Variants in TGM2 observed in about 807,000 individuals in gnomAD.
TGM2 encodes the protein transglutaminase 2, also known as protein-glutamine gamma-glutamyltransferase 2.
In TGM2, 53 loss-of-function variants were observed where a neutral mutation model predicts 75.6. That is an observed-to-expected ratio of 0.70 (90% CI 0.56 to 0.88). TGM2 has a LOEUF of 0.88. Ranked by LOEUF, TGM2 falls within the 40% of genes least tolerant of loss-of-function variation. TGM2 has a pLI of 0.00. For synonymous variants in TGM2, 374 were observed against 381.1 expected (o/e 0.98, Z 0.22); for missense variants, 842 against 928.5 (o/e 0.91, Z 1.21).
chr20:38,142,224 G>T (rs1043156727), intron 6 of TGM2, 25 bp from the exon 7 acceptor site: 1 of 1,613,808 alleles, frequency 6.2e-7, no homozygotes, highest in African/African-American at 1.3e-5. Flanking sequence ...TGGAAAGCGG[G>T]GTGAGGTCCT....
intron 1 of TGM2, among the ~76,000 whole-genome samples, chr20:38,163,703 C>T (rs1038528925): frequency 1.3e-5 from 2 of 152,176 alleles, no homozygotes; most frequent in South Asian, 2.1e-4. Context: ...TCAGGGATGT[C>T]GGTCCCCGTG....
Position 38,135,734 on chromosome 20 carries a change from C to T in TGM2, c.1615+2379G>A, listed in dbSNP as rs957204655. On this transcript the variant is annotated intron_variant, in intron 10 of 12. Coordinates refer to ENST00000361475, the MANE Select transcript of TGM2 (RefSeq NM_004613.4). ...GGAACCCCCGAGCCCAGGGCTGACACCACTGCCTGGGACAGAAGGTGTTCA... is the reference window on the plus strand; with the variant it reads ...GGAACCCCCGAGCCCAGGGCTGACATCACTGCCTGGGACAGAAGGTGTTCA... 2.0e-5 allele frequency among the ~76,000 whole-genome samples: 3 copies of T among 152,238 alleles called. No homozygotes were observed. The East Asian group carries it at 5.8e-4, about 29-fold the overall frequency.
intron 3 of TGM2, among the ~76,000 whole-genome samples, chr20:38,151,950 G>A (rs758848884): frequency 3.9e-5 from 6 of 152,122 alleles, no homozygotes; most frequent in African/African-American, 9.7e-5. Context: ...CCACTTAACC[G>A]GTGAAGAAAC....
At chr20:38,159,600 A>G (rs2122965911) in intron 2 of TGM2, among the ~76,000 whole-genome samples, 1 of 152,374 alleles carries the variant, frequency 6.6e-6, no homozygotes, top group Admixed American at 6.5e-5. Context: ...CAGCTCATCT[A>G]CCATTCCATT....
At position 38,138,294 on chromosome 20, in the gene TGM2, A is replaced by T; in HGVS notation, c.1434T>A (p.Arg478=). 2 of 1,614,168 alleles carry T rather than the reference A, an allele frequency of 1.2e-6. No individual in the cohort carries two copies. Among genetic ancestry groups the T allele is most frequent in the Non-Finnish European group, 1.7e-6 (2 of 1,180,022 alleles). Residue 478 remains arginine, a synonymous_variant, in exon 10 of 13, where the codon CGT becomes CGA. Transcript: ENST00000361475. ...KEETGMAMRI[R]VGQSMNMGSD... Reference sequence around the variant, plus strand: ...TGCCCATGTTCATGCTCTGGCCCACACGGATCCGCATGGCCATCCCTGTCT... The same window carrying T: ...TGCCCATGTTCATGCTCTGGCCCACTCGGATCCGCATGGCCATCCCTGTCT...
chr20:38,128,055 C>T lies in TGM2; in HGVS notation c.*2164G>A, dbSNP rs1421094132. On this transcript the variant is annotated 3_prime_UTR_variant, in exon 13 of 13. Transcript: ENST00000361475. ...ACTGTGATAAATGTTTGAATTGGTC[C>T]ATATTCCAGGACTCTGGGGACCCGA... 6.6e-6 allele frequency: 1 copy of T among 152,158 alleles called. No homozygotes were observed. The highest frequency in any genetic ancestry group is 1.5e-5 in the Non-Finnish European group (1 of 68,042). The allele number at this position is 152,158 out of a possible 1,614,324, so 9.4% of individuals were successfully genotyped here. A position where few individuals can be genotyped will look rare whatever the true frequency, so the allele number is the denominator to read the frequency against.
chr20:38,166,246 A>T (rs45531638), upstream of TGM2, among the ~76,000 whole-genome samples: 1 of 147,562 alleles, frequency 6.8e-6, no homozygotes, highest in African/African-American at 2.5e-5. Flanking sequence ...CTACCCATCC[A>T]TCCACTCACC....
chr20:38,165,280 G>C (rs959663607), upstream of TGM2: 5 of 1,601,432 alleles, frequency 3.1e-6, no homozygotes, highest in African/African-American at 5.3e-5. Flanking sequence ...TGCCGAGGCG[G>C]AGAGCGGCGC....
chr20:38,151,739 G>A (rs2122932889), intron 3 of TGM2, among the ~76,000 whole-genome samples: 1 of 152,318 alleles, frequency 6.6e-6, no homozygotes, highest in East Asian at 1.9e-4. Context: ...GCATCTGAAT[G>A]TTGTCTTAAA....
intron 8 of TGM2, among the ~76,000 whole-genome samples, chr20:38,140,090 G>A (rs1341956733): frequency 6.6e-6 from 1 of 152,254 alleles, no homozygotes; most frequent in Non-Finnish European, 1.5e-5. Context: ...TAGCAAGGAG[G>A]ACATCTGTCT....
At chr20:38,135,771 G>A (rs186164085) in intron 10 of TGM2, among the ~76,000 whole-genome samples, 20 of 152,220 alleles carry the variant, frequency 1.3e-4, no homozygotes, top group Admixed American at 5.9e-4. Context: ...GAAAGGTCCC[G>A]GGCTTCTCGC....
rs1275690950 is a variant in TGM2 at position 38,139,416 on chromosome 20, T to C, written c.1338A>G (p.Pro446=). Residue 446 remains proline (P), a synonymous_variant, in exon 9 of 13, where the codon CCA becomes CCG. Transcript: ENST00000361475. The part of the protein sequence containing the change: ...REDITHTYKY[P]EGSSEEREAF... ...AAAGACTCTGAGGGCACATACCCTC[T>C]GGGTATTTGTAGGTGTGGGTGATAT... 20 of 1,614,112 alleles carry C rather than the reference T, an allele frequency of 1.2e-5. No individual in the cohort carries two copies. The highest frequency in any genetic ancestry group is 1.7e-5 in the Non-Finnish European group (20 of 1,180,006).
intron 2 of TGM2, among the ~76,000 whole-genome samples, chr20:38,160,049 G>A (rs906639812): frequency 2.0e-5 from 3 of 152,220 alleles, no homozygotes; most frequent in African/African-American, 7.2e-5. Flanking sequence ...GTGCTTGTGG[G>A]GGAGCCCCTG....
intron 3 of TGM2, among the ~76,000 whole-genome samples, chr20:38,155,060 T>G (rs1472157071): frequency 1.3e-5 from 2 of 152,120 alleles, no homozygotes; most frequent in Non-Finnish European, 2.9e-5. Context: ...GAGCTGAGAT[T>G]GTACCATTGC....
intron 2 of TGM2, among the ~76,000 whole-genome samples, chr20:38,160,031 G>C (rs780678893): frequency 1.3e-5 from 2 of 152,192 alleles, no homozygotes; most frequent in Non-Finnish European, 2.9e-5. Context: ...AGAACTTTGG[G>C]GGCCAGTGTG....
intron 2 of TGM2, among the ~76,000 whole-genome samples, chr20:38,158,524 A>C (rs2075215141): frequency 6.6e-6 from 1 of 152,068 alleles, no homozygotes. Flanking sequence ...CAGCCTCATA[A>C]GGGTTCCCTT....
chr20:38,141,491 G>C, intron 7 of TGM2, 106 bp from the exon 8 acceptor site: 1 of 869,012 alleles, frequency 1.2e-6, no homozygotes, highest in South Asian at 1.5e-5. Flanking sequence ...AGCTCGCCTC[G>C]TCCCAAACTG....
upstream of TGM2, among the ~76,000 whole-genome samples, chr20:38,167,720 T>G (rs1432726276): frequency 6.6e-6 from 1 of 152,156 alleles, no homozygotes; most frequent in Non-Finnish European, 1.5e-5. Flanking sequence ...AGTGTTTGAT[T>G]TGAGAAATCA....
At position 38,139,459 on chromosome 20, in the gene TGM2, C is replaced by T. The variant is rs1413043974; in HGVS notation, c.1295G>A (p.Gly432Asp). The T allele has an allele frequency of 1.2e-6, 2 of 1,614,196 alleles. No homozygotes were observed. Among genetic ancestry groups the T allele is most frequent in the Non-Finnish European group, 1.7e-6 (2 of 1,180,032 alleles). The change falls in exon 9 of 13, where the codon GGC becomes GAC. Residue 432 changes from glycine to aspartate, a missense_variant. Gly to Asp is a moderately conservative substitution (Grantham distance 94). Coordinates refer to ENST00000361475, the MANE Select transcript of TGM2 (RefSeq NM_004613.4). ...VGLKISTKSV[G>D]RDEREDITHT... is the part of the protein sequence containing the mutation. ...GGTGATATCCTCCCGCTCGTCTCGGCCCACGCTCTTAGTGCTGATCTTCAG... is the reference window on the plus strand; with the variant it reads ...GGTGATATCCTCCCGCTCGTCTCGGTCCACGCTCTTAGTGCTGATCTTCAG...
Sources: allele counts gnomAD v4.1 joint callset (sites outside exome capture counted in the v4.1 genomes callset), GRCh38; gene constraint gnomAD v4.1.1; transcripts MANE v1.5; gene names NCBI Gene and HGNC (gene_info 2026-07-23, HGNC 2026-07-21).